The following TRPS1 variants were observed in gnomAD, a reference collection of about 807,000 sequenced individuals.
TRPS1 encodes the protein transcriptional repressor GATA binding 1, also known as zinc finger transcription factor Trps1.
In TRPS1, 6 loss-of-function variants were observed where a neutral mutation model predicts 101.2. The ratio of observed to expected loss-of-function variants is 0.06; its 90% CI spans 0.03 to 0.12. The LOEUF is 0.12. TRPS1 is among the 10% of genes least tolerant of loss of function. The probability of loss-of-function intolerance (pLI) is 1.00; values close to 1 mark genes in which losing one functional copy is unlikely to be tolerated. For missense variants in TRPS1, 1,363 were observed against 1,567.0 expected (o/e 0.87, Z 2.20); for synonymous variants, 578 against 589.8 (o/e 0.98, Z 0.29).
intron 5 of TRPS1, among the ~76,000 whole-genome samples, chr8:115,430,634 G>T (rs1813295451): frequency 6.6e-6 from 1 of 151,988 alleles, no homozygotes; most frequent in Non-Finnish European, 1.5e-5. Context: ...GAGAGGAAAG[G>T]AACAGTCCCT....
chr8:115,476,757 A>G lies in TRPS1; in HGVS notation c.2701-58305T>C, dbSNP rs189828183. Among the ~76,000 whole-genome samples, 341 of 152,298 alleles carry G rather than the reference A, an allele frequency of 2.2e-3. 2 individuals carry two copies. Among genetic ancestry groups the G allele is most frequent in the Admixed American group, 4.5e-3 (69 of 15,302 alleles). On this transcript the variant is annotated intron_variant, in intron 5 of 6. Coordinates refer to ENST00000395715, the MANE Select transcript of TRPS1 (RefSeq NM_014112.5). ...GAATTTTTATAAATGTTTGAATCTC[A>G]AAAGGACCAACATGATCAAGCAAAA...
intron 5 of TRPS1, among the ~76,000 whole-genome samples, chr8:115,477,072 C>T (rs1260127334): frequency 6.6e-6 from 1 of 152,012 alleles, no homozygotes; most frequent in African/African-American, 2.4e-5. Context: ...CCTCTTCATC[C>T]ACATCCTATC....
At chr8:115,499,977 T>C (rs1011434463) in intron 5 of TRPS1, among the ~76,000 whole-genome samples, 8 of 151,172 alleles carry the variant, frequency 5.3e-5, no homozygotes, top group African/African-American at 1.9e-4. Context: ...TCTTTTCTTT[T>C]CTTTTCTTTT....
intron 1 of TRPS1, among the ~76,000 whole-genome samples, chr8:115,642,863 TA>T (rs202179972): frequency 1.4e-5 from 2 of 145,574 alleles, no homozygotes; most frequent in African/African-American, 5.0e-5. Context: ...TATATATATA[TA>T]AATATATATA....
At chr8:115,509,206 CT>C (rs2130178591) in intron 5 of TRPS1, among the ~76,000 whole-genome samples, 1 of 152,098 alleles carries the variant, frequency 6.6e-6, no homozygotes, top group Non-Finnish European at 1.5e-5. Flanking sequence ...AGCCGAACTC[CT>C]TATCTCTTTA....
chr8:115,490,261 G>A (rs146607048), intron 5 of TRPS1, among the ~76,000 whole-genome samples: 10 of 152,124 alleles, frequency 6.6e-5, no homozygotes, highest in African/African-American at 2.2e-4. Context: ...AAGTAAAACC[G>A]TGAAATAACT....
chr8:115,523,118 T>A (rs1168261432), intron 5 of TRPS1, among the ~76,000 whole-genome samples: 2 of 152,082 alleles, frequency 1.3e-5, no homozygotes, highest in Non-Finnish European at 2.9e-5. Context: ...AAAAAAAAAT[T>A]GTTCTCAGAG....
In TRPS1 at chr8:115,627,139, G is replaced by C. The variant is rs79019361; in HGVS notation, c.-121-3381C>G. 7.5e-3 allele frequency among the ~76,000 whole-genome samples: 1,139 copies of C among 151,712 alleles called. 9 individuals are homozygous for C. The highest frequency in any genetic ancestry group is 0.026 in the African/African-American group (1,087 of 41,456). On this transcript the variant is annotated intron_variant, in intron 1 of 6. Transcript: ENST00000395715. The stretch of plus-strand genomic sequence containing the variant: ...TTCACTAACTAGGGAAACTAAAATA[G>C]AGCAAGAATACCTCATGGAGCCTCA...
In TRPS1 at chr8:115,604,018, C is replaced by T. The variant is rs1174923595; in HGVS notation, c.1951G>A (p.Glu651Lys). The T allele has an allele frequency of 1.2e-6, 2 of 1,614,006 alleles. No homozygotes were observed. The highest frequency in any genetic ancestry group is 1.3e-5 in the African/African-American group (1 of 75,016). The change falls in exon 4 of 7, where the codon GAG becomes AAG. Residue 651 changes from glutamate (E) to lysine (K), a missense_variant. By Grantham distance (56) the Glu-to-Lys change is moderately conservative. Transcript: ENST00000395715. This position sits in a 1 kb window ranked among gnomAD's most constrained non-coding sequence, Gnocchi z 4.1. The part of the protein sequence containing the change: ...VLLFHYESVH[E>K]SQASDVKQEA... ...TGTTTGACATCCGATGCTTGGGACT[C>T]ATGCACACTTTCATAGTGAAAGAGG...
intron 5 of TRPS1, among the ~76,000 whole-genome samples, chr8:115,501,268 G>A (rs1194741292): frequency 1.3e-5 from 2 of 152,130 alleles, no homozygotes; most frequent in Admixed American, 1.3e-4. Flanking sequence ...AGCAGGCCCA[G>A]TGAACATGTT....
rs1812964380 is a variant in TRPS1 at position 115,418,039 on chromosome 8, T to C, written c.2823+291A>G. ...CTCCTTTTTACCTAAAATAATTTCA[T>C]TGAATTCTGATAACCATTAGTTCAA... is the stretch of plus-strand genomic sequence containing the variant. On this transcript the variant is annotated intron_variant, in intron 6 of 6. Coordinates refer to ENST00000395715, the MANE Select transcript of TRPS1 (RefSeq NM_014112.5). This position sits in a 1 kb window ranked among gnomAD's most constrained non-coding sequence, Gnocchi z 4.3. 6.6e-6 allele frequency among the ~76,000 whole-genome samples: 1 copy of C among 152,234 alleles called. No homozygotes were observed. The highest frequency in any genetic ancestry group is 2.1e-4 in the South Asian group (1 of 4,832).
intron 5 of TRPS1, among the ~76,000 whole-genome samples, chr8:115,512,192 T>G (rs1196192454): frequency 2.0e-5 from 3 of 151,764 alleles, no homozygotes; most frequent in African/African-American, 4.8e-5. Context: ...TGAGGACAAT[T>G]TTTTAAAAGC....
At chr8:115,586,252 T>C (rs1335268302) in intron 5 of TRPS1, among the ~76,000 whole-genome samples, 2 of 152,190 alleles carry the variant, frequency 1.3e-5, no homozygotes, top group East Asian at 3.8e-4. Flanking sequence ...AGCTCATGAA[T>C]TTTCAAAATC....
At chr8:115,420,915 C>T (rs542420199) in intron 5 of TRPS1, among the ~76,000 whole-genome samples, 1 of 151,970 alleles carries the variant, frequency 6.6e-6, no homozygotes, top group African/African-American at 2.4e-5. Context: ...TTGCCAGGTA[C>T]AACACTGGGC....
chr8:115,617,390 T>C (rs911188417), intron 3 of TRPS1, among the ~76,000 whole-genome samples: 2 of 152,204 alleles, frequency 1.3e-5, no homozygotes, highest in Non-Finnish European at 2.9e-5. Context: ...AGGAAAAGTG[T>C]CCAGCTCCTT....
intron 2 of TRPS1, among the ~76,000 whole-genome samples, chr8:115,621,838 C>T (rs1818400660): frequency 6.6e-6 from 1 of 151,918 alleles, no homozygotes. Context: ...ACTGCTTGAA[C>T]CCAGGAAGCG....
chr8:115,541,095 A>T (rs1816441417), intron 5 of TRPS1, among the ~76,000 whole-genome samples: 1 of 152,226 alleles, frequency 6.6e-6, no homozygotes, highest in Non-Finnish European at 1.5e-5. Context: ...ACAGGTTTGG[A>T]ACAATCCCCA....
At chr8:115,623,482 A>G in intron 2 of TRPS1, 119 bp downstream of exon 2, 1 of 1,210,982 alleles carries the variant, frequency 8.3e-7, no homozygotes. Flanking sequence ...TAGATACCAT[A>G]AGACTATAGC....
intron 5 of TRPS1, among the ~76,000 whole-genome samples, chr8:115,582,839 C>T (rs1034404185): frequency 2.6e-5 from 4 of 152,128 alleles, no homozygotes; most frequent in African/African-American, 9.7e-5. Flanking sequence ...TTTATCTTTC[C>T]TCTAGCTGCA....
Sources: allele counts gnomAD v4.1 joint callset (sites outside exome capture counted in the v4.1 genomes callset), GRCh38; gene constraint gnomAD v4.1.1; non-coding constraint Gnocchi (gnomAD v3.1); transcripts MANE v1.5; gene names NCBI Gene and HGNC (gene_info 2026-07-23, HGNC 2026-07-21).